ADAMTSL3: variants seen among roughly 807,000 people sequenced by gnomAD.
ADAMTSL3 encodes the protein ADAMTS-like protein 3.
A neutral mutation model predicts 201.7 loss-of-function variants in ADAMTSL3; 128 were observed. The ratio of observed to expected loss-of-function variants is 0.63; its 90% CI spans 0.55 to 0.73. The LOEUF (loss-of-function observed/expected upper bound fraction) is 0.73, where lower values mean the gene tolerates loss of function less well. ADAMTSL3 is among the 30% of genes least tolerant of loss of function. The pLI, the probability that ADAMTSL3 is intolerant of heterozygous loss-of-function variation, is 0.00. For synonymous variants in ADAMTSL3, 738 were observed against 748.4 expected (o/e 0.99, Z 0.23); for missense variants, 1,990 against 2,119.6 (o/e 0.94, Z 1.20).
chr15:83,948,552 G>A (rs1238745302), intron 19 of ADAMTSL3, among the ~76,000 whole-genome samples: 2 of 152,098 alleles, frequency 1.3e-5, no homozygotes, highest in African/African-American at 4.8e-5. Flanking sequence ...AAGAAACTTG[G>A]TTGGGCTTCC....
chr15:84,014,556 A>T lies in ADAMTSL3; in HGVS notation c.3988A>T (p.Asn1330Tyr). Residue 1330 changes from asparagine (N) to tyrosine (Y), a missense_variant, in exon 24 of 30, where the codon AAT (asparagine) becomes TAT (tyrosine). Asn to Tyr is a moderately radical substitution (Grantham distance 143). Transcript: ENST00000286744. ...RCPVKGVPQP[N>Y]ITWLKRGGSL... ...TTGTTCCAAAGGTGTCCCTCAGCCT[A>T]ATATAACTTGGTTGAAGAGAGGAGG... 1.2e-6 allele frequency: 2 copies of T among 1,613,970 alleles called. No individual in the cohort carries two copies.
chr15:83,665,892 A>T (rs775473897), intron 2 of ADAMTSL3, among the ~76,000 whole-genome samples: 50 of 152,232 alleles, frequency 3.3e-4, no homozygotes, highest in Non-Finnish European at 5.6e-4. Flanking sequence ...AAAGAAGAGT[A>T]ACTATTTTAC....
intron 4 of ADAMTSL3, among the ~76,000 whole-genome samples, chr15:83,791,419 G>C (rs1168773061): frequency 2.0e-5 from 3 of 152,132 alleles, no homozygotes; most frequent in African/African-American, 7.2e-5. Flanking sequence ...ACAGAGCTCT[G>C]AAATAAGTCC....
At chr15:83,771,499 C>T (rs72746925) in intron 3 of ADAMTSL3, among the ~76,000 whole-genome samples, 13,351 of 152,246 alleles carry the variant, frequency 0.088, 733 homozygotes, top group East Asian at 0.24. Flanking sequence ...TTCAATGAGT[C>T]GGTCTATGTT....
At chr15:83,801,671 T>A (rs1341605896) in intron 4 of ADAMTSL3, among the ~76,000 whole-genome samples, 2,412 of 66,776 alleles carry the variant, frequency 0.036, 292 homozygotes, top group African/African-American at 0.11. Flanking sequence ...TATATATATA[T>A]ATATATATAT....
At position 84,039,155 on chromosome 15, in the gene ADAMTSL3, A is replaced by G. The variant is rs2068561385; in HGVS notation, c.*1349A>G. 1 of 152,494 alleles carries G rather than the reference A, an allele frequency of 6.6e-6. No individual in the cohort carries two copies. The allele number at this position is 152,494 out of a possible 1,614,324, so 9.4% of individuals were successfully genotyped here. On this transcript the variant is annotated 3_prime_UTR_variant, in exon 30 of 30. Transcript: ENST00000286744. ...TGTCTTTAGATGGCACACAAGTCCA[A>G]ATAAGTGGTCATACTTCTTTATTCA...
chr15:83,841,081 A>G (rs2064365805), intron 7 of ADAMTSL3, among the ~76,000 whole-genome samples: 1 of 152,222 alleles, frequency 6.6e-6, no homozygotes, highest in Non-Finnish European at 1.5e-5. Flanking sequence ...TCCCCAGGGA[A>G]TTTTGCTTCA....
At chr15:83,873,950 G>A (rs1007142917) in intron 9 of ADAMTSL3, among the ~76,000 whole-genome samples, 4 of 145,144 alleles carry the variant, frequency 2.8e-5, no homozygotes, top group African/African-American at 1.1e-4. Context: ...CACCCTTAGT[G>A]GAGAGAGATG....
intron 4 of ADAMTSL3, among the ~76,000 whole-genome samples, chr15:83,797,091 A>T (rs1413377685): frequency 6.6e-6 from 1 of 152,228 alleles, no homozygotes; most frequent in Non-Finnish European, 1.5e-5. Context: ...ACAAAAATAT[A>T]AACCTAAAGA....
At chr15:84,032,715 T>C (rs1005238331) in intron 28 of ADAMTSL3, among the ~76,000 whole-genome samples, 1 of 152,242 alleles carries the variant, frequency 6.6e-6, no homozygotes, top group East Asian at 1.9e-4. Flanking sequence ...CTCAATATTC[T>C]ATCTAAATTT....
At chr15:83,790,345 CA>C (rs1271774209) in intron 4 of ADAMTSL3, among the ~76,000 whole-genome samples, 2 of 150,142 alleles carry the variant, frequency 1.3e-5, no homozygotes, top group Non-Finnish European at 1.5e-5. Flanking sequence ...ACAATCCTGT[CA>C]AAAGTATTAA....
intron 2 of ADAMTSL3, among the ~76,000 whole-genome samples, chr15:83,670,498 C>G (rs1410019320): frequency 6.6e-6 from 1 of 152,086 alleles, no homozygotes; most frequent in South Asian, 2.1e-4. Flanking sequence ...TGACCACACA[C>G]ACACACACAT....
At chr15:83,793,591 C>A (rs955045140) in intron 4 of ADAMTSL3, among the ~76,000 whole-genome samples, 1 of 152,092 alleles carries the variant, frequency 6.6e-6, no homozygotes, top group Non-Finnish European at 1.5e-5. Context: ...ATTCTCCTTC[C>A]TCTACCTCCC....
In ADAMTSL3 at chr15:83,991,332, TA is replaced by T. The variant is rs555343222; in HGVS notation, c.3973+126del. 5.2e-4 allele frequency: 754 copies of T among 1,447,344 alleles called. 5 individuals are homozygous for T. Among genetic ancestry groups the T allele is most frequent in the Non-Finnish European group, 7.2e-5 (77 of 1,063,938 alleles). The allele number at this position is 1,447,344 out of a possible 1,614,324, so 89.7% of individuals were successfully genotyped here. A position where few individuals can be genotyped will look rare whatever the true frequency, so the allele number is the denominator to read the frequency against. ...ATTCGAGACCTCAGCCTGATAGGCT[TA>T]AAAAAAAGATTTTCCAGCACACTGA... On this transcript the variant is annotated intron_variant, in intron 23 of 29. Coordinates refer to ENST00000286744, the MANE Select transcript of ADAMTSL3 (RefSeq NM_207517.3).
chr15:83,929,759 G>C (rs1212767074), intron 17 of ADAMTSL3, among the ~76,000 whole-genome samples: 1 of 150,632 alleles, frequency 6.6e-6, no homozygotes, highest in East Asian at 2.0e-4. Context: ...CAGAGAGACA[G>C]AGAGAGACAG....
chr15:83,929,320 CT>C, intron 17 of ADAMTSL3, among the ~76,000 whole-genome samples: 1 of 152,240 alleles, frequency 6.6e-6, no homozygotes, highest in Non-Finnish European at 1.5e-5. Context: ...GGCGTTGATT[CT>C]TTCTTAGAGC....
intron 3 of ADAMTSL3, among the ~76,000 whole-genome samples, chr15:83,772,059 G>T (rs182117908): frequency 6.6e-6 from 1 of 152,106 alleles, no homozygotes; most frequent in East Asian, 1.9e-4. Context: ...TTGCCATGTT[G>T]CCCAGGCTGG....
chr15:83,835,338 T>C (rs1596295825), intron 6 of ADAMTSL3, among the ~76,000 whole-genome samples: 1 of 152,156 alleles, frequency 6.6e-6, no homozygotes, highest in African/African-American at 2.4e-5. Flanking sequence ...TTATTCGTTA[T>C]GAATCACAAG....
At chr15:83,877,766 T>A (rs1216380216) in intron 9 of ADAMTSL3, among the ~76,000 whole-genome samples, 1 of 152,224 alleles carries the variant, frequency 6.6e-6, no homozygotes, top group Non-Finnish European at 1.5e-5. Flanking sequence ...TTTCTCTCAA[T>A]AATGTTCATA....
Sources: gnomAD v4.1 joint callset for allele counts (sites outside exome capture counted in the v4.1 genomes callset) on GRCh38, gnomAD v4.1.1 for gene constraint, MANE v1.5 for transcripts, NCBI Gene and HGNC (gene_info 2026-07-23, HGNC 2026-07-21) for gene names.